Variants in ERN2 observed in about 807,000 individuals in gnomAD.
The protein encoded by ERN2 is serine/threonine-protein kinase/endoribonuclease IRE2.
A neutral mutation model predicts 107.9 loss-of-function variants in ERN2; 111 were observed. That is an observed-to-expected ratio of 1.03 (90% confidence interval 0.88 to 1.20). The LOEUF is 1.20. Ranked by LOEUF, ERN2 falls within the 50% of genes most tolerant of loss-of-function variation. ERN2 has a pLI of 0.00. For synonymous variants in ERN2, 524 were observed against 501.7 expected, an observed-to-expected ratio of 1.04 and a Z score of -0.59; for missense variants, 1,225 against 1,197.9, an observed-to-expected ratio of 1.02 and a Z score of -0.33.
Position 23,705,021 on chromosome 16 carries a change from C to T in ERN2, c.716G>A (p.Gly239Asp), listed in dbSNP as rs371326332. Reference sequence around the variant, plus strand: ...CGTGAGATGCGGCAGCTGGCGCAGGCCGTCCTGGTGCCAGGTGTAGACGCC... The same window carrying T: ...CGTGAGATGCGGCAGCTGGCGCAGGTCGTCCTGGTGCCAGGTGTAGACGCC... ...VMGVYTWHQD[G>D]LRQLPHLTLA... is the part of the protein sequence containing the mutation. The change falls in exon 8 of 22, where the codon GGC becomes GAC. Residue 239 changes from glycine to aspartate, a missense_variant. Transcript: ENST00000256797. The T allele has an allele frequency of 1.7e-5, 28 of 1,613,936 alleles. No individual in the cohort carries two copies. The highest frequency in any genetic ancestry group is 2.4e-5 in the Non-Finnish European group (28 of 1,180,020).
intron 11 of ERN2, 106 bp from the exon 12 acceptor site, chr16:23,701,220 G>A (rs762190338): frequency 1.8e-5 from 21 of 1,196,268 alleles, no homozygotes; most frequent in Admixed American, 9.4e-5. Context: ...GGGGCAGTGA[G>A]TGGTCTGTGT....
chr16:23,701,108 T>C lies in ERN2; in HGVS notation c.1210A>G (p.Ser404Gly). 1.9e-6 allele frequency: 3 copies of C among 1,613,252 alleles called. No homozygotes were observed. The highest frequency in any genetic ancestry group is 2.5e-6 in the Non-Finnish European group (3 of 1,179,736). Residue 404 changes from serine to glycine, a missense_variant, in exon 12 of 22, where the codon AGC becomes GGC. Transcript: ENST00000256797. ...TCCCAAAGTTTCTCTCGGCTCAGGC[T>C]CAATAGCTGGGGATAAAGGGCCCTT... is the stretch of plus-strand genomic sequence containing the variant. ...QAPAFFLELL[S>G]LSREKLWDSE...
intron 1 of ERN2, among the ~76,000 whole-genome samples, chr16:23,711,586 G>A (rs368208613): frequency 3.3e-5 from 5 of 152,140 alleles, no homozygotes; most frequent in African/African-American, 1.2e-4. Flanking sequence ...TGGAACTCCT[G>A]GCCTCAAGCG....
rs753213560 is a variant in ERN2 at position 23,702,513 on chromosome 16, C to T, written c.958G>A (p.Ala320Thr). Residue 320 changes from alanine to threonine, a missense_variant, in exon 10 of 22, where the codon GCA (alanine) becomes ACA (threonine). Coordinates refer to ENST00000256797, the MANE Select transcript of ERN2 (RefSeq NM_033266.4). ...ACCTCATCTGTGGTGGGGCCATCTG[C>T]GGGGGCCAGGGTCAGTCCACGAGGC... ...LVPRGLTLAP[A>T]DGPTTDEVTL... 5.0e-6 allele frequency: 8 copies of T among 1,613,874 alleles called. No homozygotes were observed. In the South Asian group the frequency reaches 5.5e-5, roughly 11 times the overall value.
Position 23,692,213 on chromosome 16 carries a change from C to T in ERN2, c.2219G>A (p.Cys740Tyr), listed in dbSNP as rs1016866374. Residue 740 changes from cysteine to tyrosine, a missense_variant, in exon 18 of 22, where the codon TGT (cysteine) becomes TAT (tyrosine). Transcript: ENST00000256797. ...GACCTCTTCCTCCAGGTGAGCCAGA[C>T]AGGGAGCCCCTGTGAGGATGTTTGC... ...RQANILTGAPCLAHLEEEVHD... is the reference protein window; with the variant it reads ...RQANILTGAPYLAHLEEEVHD... The T allele has an allele frequency of 1.2e-5, 20 of 1,614,072 alleles. No individual in the cohort carries two copies. Among genetic ancestry groups the T allele is most frequent in the Non-Finnish European group, 1.7e-5 (20 of 1,180,038 alleles).
chr16:23,707,215 G>A (rs938654687), intron 4 of ERN2, 136 bp from the exon 5 acceptor site: 7 of 686,572 alleles, frequency 1.0e-5, no homozygotes, highest in Non-Finnish European at 1.9e-5. Flanking sequence ...GGAAACTGGG[G>A]CTTGGAGAGG....
chr16:23,704,398 G>T (rs999791567), intron 8 of ERN2, among the ~76,000 whole-genome samples: 1 of 152,112 alleles, frequency 6.6e-6, no homozygotes, highest in Non-Finnish European at 1.5e-5. Flanking sequence ...TTGTGATAGT[G>T]AATAAGTCTC....
In ERN2 at chr16:23,694,217, G is replaced by A. The variant is rs1054888476; in HGVS notation, c.2100+511C>T. Among the ~76,000 whole-genome samples, 8 of 152,112 alleles carry A rather than the reference G, an allele frequency of 5.3e-5. 1 individual carries two copies. In the South Asian group the frequency reaches 1.2e-3, roughly 24 times the overall value. ...TCCCTAGGTTACCCAGGCTGGTCTC[G>A]AACTCCTGAGCTCAAGCAATCTGCC... is the stretch of plus-strand genomic sequence containing the variant. On this transcript the variant is annotated intron_variant, in intron 17 of 21. Transcript: ENST00000256797.
intron 11 of ERN2, among the ~76,000 whole-genome samples, chr16:23,701,503 A>G (rs572211630): frequency 1.3e-5 from 2 of 152,272 alleles, no homozygotes; most frequent in South Asian, 2.1e-4. Flanking sequence ...GCTACTTACT[A>G]GTGATTTTGG....
Position 23,704,874 on chromosome 16 carries a change from A to G in ERN2, c.854+9T>C. 1 of 1,604,056 alleles carries G rather than the reference A, an allele frequency of 6.2e-7. No individual in the cohort carries two copies. Among genetic ancestry groups the G allele is most frequent in the Non-Finnish European group, 8.5e-7 (1 of 1,178,178 alleles). On this transcript the variant is annotated intron_variant, in intron 8 of 21. Coordinates refer to ENST00000256797, the MANE Select transcript of ERN2 (RefSeq NM_033266.4). Reference sequence around the variant, plus strand: ...GCTCCCTCCCTGGGCCCCAGGCACGAACACCTACAGCAGCTGGGTGTCCAA... The same window carrying G: ...GCTCCCTCCCTGGGCCCCAGGCACGGACACCTACAGCAGCTGGGTGTCCAA...
At chr16:23,704,813 C>T in intron 8 of ERN2, 70 bp downstream of exon 8, 2 of 1,524,942 alleles carry the variant, frequency 1.3e-6, no homozygotes, top group Non-Finnish European at 1.8e-6. Context: ...AACATCTCGC[C>T]TGGCCATCAG....
intron 17 of ERN2, 129 bp from the exon 18 acceptor site, chr16:23,692,460 G>T: frequency 2.2e-6 from 2 of 909,482 alleles, no homozygotes; most frequent in Non-Finnish European, 3.3e-6. Context: ...TGCTTCCTGG[G>T]CAGCATCTCC....
At chr16:23,697,917 G>T (rs372418016) in intron 13 of ERN2, among the ~76,000 whole-genome samples, 20 of 151,988 alleles carry the variant, frequency 1.3e-4, no homozygotes, top group African/African-American at 4.8e-4. Context: ...CTCCATGCCT[G>T]GCTAATCTTT....
At chr16:23,707,802 A>G (rs115221578) in intron 4 of ERN2, among the ~76,000 whole-genome samples, 32 of 152,346 alleles carry the variant, frequency 2.1e-4, no homozygotes, top group African/African-American at 7.5e-4. Flanking sequence ...AACAACTCAC[A>G]TGAATATTTC....
At chr16:23,701,970 G>T (rs1307806416) in intron 11 of ERN2, among the ~76,000 whole-genome samples, 182 bp downstream of exon 11, 1 of 68,684 alleles carries the variant, frequency 1.5e-5, no homozygotes, top group African/African-American at 2.9e-5. Context: ...GTTTCTGGCA[G>T]TAACAACAAC....
intron 13 of ERN2, among the ~76,000 whole-genome samples, chr16:23,699,239 T>A (rs143299626): frequency 1.3e-5 from 2 of 152,142 alleles, no homozygotes; most frequent in Non-Finnish European, 2.9e-5. Context: ...GAGGCGGACA[T>A]TGCGAACAGC....
chr16:23,710,633 T>C (rs1406464208), intron 2 of ERN2, 84 bp from the exon 3 acceptor site: 43 of 1,463,238 alleles, frequency 2.9e-5, no homozygotes, highest in Non-Finnish European at 4.0e-5. Flanking sequence ...AGCTATGGCA[T>C]GACTGTGATG....
chr16:23,710,992 G>A lies in ERN2; in HGVS notation c.120C>T (p.Leu40=). 6.2e-7 allele frequency: 1 copy of A among 1,614,088 alleles called. No homozygotes were observed. Among genetic ancestry groups the A allele is most frequent in the Non-Finnish European group, 8.5e-7 (1 of 1,179,940 alleles). The part of the protein sequence containing the change: ...PQVHTLRPEN[L]LLVSTLDGSL... ...TTCCATCCAAGGTGGACACCAGCAG[G>A]AGGTTCTCTGGCCTGAGAGTATGAA... Residue 40 remains leucine (L), a synonymous_variant, in exon 2 of 22, where the codon CTC becomes CTT. Transcript: ENST00000256797.
chr16:23,706,615 G>T, intron 6 of ERN2, 139 bp downstream of exon 6: 1 of 753,240 alleles, frequency 1.3e-6, no homozygotes, highest in Non-Finnish European at 2.3e-6. Flanking sequence ...CTGGCTCCTA[G>T]TTCAGTGCTC....
Sources: allele counts gnomAD v4.1 joint callset (sites outside exome capture counted in the v4.1 genomes callset), GRCh38; gene constraint gnomAD v4.1.1; transcripts MANE v1.5; gene names NCBI Gene and HGNC (gene_info 2026-07-23, HGNC 2026-07-21).